DNAH12: variants seen among roughly 807,000 people sequenced by gnomAD.
DNAH12 encodes the protein axonemal beta dynein heavy chain 12.
Under a neutral mutation model 371.5 loss-of-function variants are expected in DNAH12, and 285 were observed. The ratio of observed to expected loss-of-function variants is 0.77; its 90% CI spans 0.70 to 0.85. DNAH12 has a LOEUF of 0.85. DNAH12 is among the 40% of genes least tolerant of loss of function. DNAH12 has a pLI of 0.00. For synonymous variants in DNAH12, 1,200 were observed against 1,213.0 expected (o/e 0.99, Z 0.22); for missense variants, 3,611 against 3,689.4 (o/e 0.98, Z 0.55).
intron 10 of DNAH12, 82 bp downstream of exon 10, chr3:57,502,241 C>A: frequency 6.5e-7 from 1 of 1,548,552 alleles, no homozygotes; most frequent in Non-Finnish European, 8.8e-7. Flanking sequence ...TCATGGCAGC[C>A]CCAGACAAAC....
chr3:57,555,989 C>T, the DNAH12 span, among the ~76,000 whole-genome samples: 1 of 152,252 alleles, frequency 6.6e-6, no homozygotes, highest in African/African-American at 2.4e-5. Flanking sequence ...GCCAAGATTC[C>T]AAGACAGGTG....
chr3:57,353,611 A>G (rs978564184), intron 59 of DNAH12, among the ~76,000 whole-genome samples: 1 of 152,202 alleles, frequency 6.6e-6, no homozygotes, highest in Admixed American at 6.5e-5. Context: ...ATGGGAGAAA[A>G]TATTTTCAAA....
Position 57,296,337 on chromosome 3 carries a change from C to T in DNAH12, c.11624+7G>A, listed in dbSNP as rs778404678. On this transcript the variant is annotated splice_region_variant and intron_variant, in intron 72 of 73. Transcript: ENST00000495027. ...ATGAAGAGGTCCTGGCAGCTGAATC[C>T]ACTGACCTTTCTCGGTCCCAGCGTG... is the stretch of plus-strand genomic sequence containing the variant. The T allele has an allele frequency of 3.0e-5, 47 of 1,541,310 alleles. No individual in the cohort carries two copies. The African/African-American group carries it at 6.0e-4, about 20-fold the overall frequency.
At chr3:57,462,459 C>A (rs2066082329) in intron 18 of DNAH12, among the ~76,000 whole-genome samples, 1 of 151,962 alleles carries the variant, frequency 6.6e-6, no homozygotes, top group Admixed American at 6.6e-5. Flanking sequence ...ACCATGTTGG[C>A]CAGGCTGGTC....
chr3:57,430,341 T>C (rs893193187), intron 32 of DNAH12, among the ~76,000 whole-genome samples: 5 of 152,296 alleles, frequency 3.3e-5, no homozygotes, highest in African/African-American at 1.2e-4. Flanking sequence ...GTAATCACAA[T>C]AACATTATCA....
intron 45 of DNAH12, among the ~76,000 whole-genome samples, chr3:57,387,782 T>C (rs1021051159): frequency 1.3e-5 from 2 of 152,168 alleles, no homozygotes; most frequent in Admixed American, 6.5e-5. Context: ...ACTTCTTGTT[T>C]GGAACATGGT....
chr3:57,401,275 C>A (rs1223656830), intron 43 of DNAH12, among the ~76,000 whole-genome samples: 1 of 151,450 alleles, frequency 6.6e-6, no homozygotes. Flanking sequence ...AGAGGCCAGA[C>A]GCGGTGGCTG....
At chr3:57,515,099 A>C (rs1336505083) in intron 4 of DNAH12, among the ~76,000 whole-genome samples, 1 of 152,190 alleles carries the variant, frequency 6.6e-6, no homozygotes, top group Non-Finnish European at 1.5e-5. Flanking sequence ...TTACTGGAAT[A>C]GGAGGTATCA....
At chr3:57,479,968 G>T (rs2066678441) in intron 13 of DNAH12, among the ~76,000 whole-genome samples, 1 of 152,050 alleles carries the variant, frequency 6.6e-6, no homozygotes, top group Non-Finnish European at 1.5e-5. Context: ...AGAGAAAGCA[G>T]GAAAGGTCCA....
At position 57,295,515 on chromosome 3, in the gene DNAH12, G is replaced by A. The variant is rs571248483; in HGVS notation, c.11692+10C>T. ...AAACTTCAAATAAATTTTGTTGAGA[G>A]AATATTTACTTGGTTTTATCCATAT... is the stretch of plus-strand genomic sequence containing the variant. On this transcript the variant is annotated intron_variant, in intron 73 of 73. Transcript: ENST00000495027. 3 of 1,544,382 alleles carry A rather than the reference G, an allele frequency of 1.9e-6. No homozygotes were observed. Among genetic ancestry groups the A allele is most frequent in the Non-Finnish European group, 1.7e-6 (2 of 1,143,442 alleles).
chr3:57,327,248 G>A, intron 62 of DNAH12, among the ~76,000 whole-genome samples: 1 of 152,066 alleles, frequency 6.6e-6, no homozygotes. Context: ...CAAATCAACA[G>A]AATATACATT....
chr3:57,321,604 G>A (rs2153291643), intron 65 of DNAH12, among the ~76,000 whole-genome samples: 1 of 152,154 alleles, frequency 6.6e-6, no homozygotes, highest in South Asian at 2.1e-4. Context: ...TTCTTTCTTA[G>A]AAGTGAGCTT....
chr3:57,381,381 T>G (rs1291685042), intron 50 of DNAH12, among the ~76,000 whole-genome samples: 2 of 152,028 alleles, frequency 1.3e-5, no homozygotes, highest in African/African-American at 4.8e-5. Flanking sequence ...ACCCAGGTAT[T>G]AGAAAAACCT....
At chr3:57,485,548 CG>C (rs2066896742) in intron 12 of DNAH12, among the ~76,000 whole-genome samples, 1 of 145,198 alleles carries the variant, frequency 6.9e-6, no homozygotes, top group Non-Finnish European at 1.5e-5. Flanking sequence ...ATTACAGGCG[CG>C]TGCCACCACG....
At chr3:57,309,112 A>T in intron 69 of DNAH12, 39 bp downstream of exon 69, 1 of 1,408,772 alleles carries the variant, frequency 7.1e-7, no homozygotes, top group Non-Finnish European at 9.6e-7. Flanking sequence ...ATATAAGAAG[A>T]CAGTTGCCTT....
intron 44 of DNAH12, among the ~76,000 whole-genome samples, chr3:57,392,672 A>T (rs2063650171): frequency 6.6e-6 from 1 of 151,706 alleles, no homozygotes; most frequent in African/African-American, 2.4e-5. Flanking sequence ...TAAAATAACT[A>T]AAAAAAAAGT....
Position 57,504,000 on chromosome 3 carries a change from G to A in DNAH12, c.1086+16C>T. The A allele has an allele frequency of 4.4e-6, 7 of 1,597,266 alleles. No homozygotes were observed. The highest frequency in any genetic ancestry group is 6.0e-6 in the Non-Finnish European group (7 of 1,168,816). The stretch of plus-strand genomic sequence containing the variant: ...AATAATTTAAAATTCTTTCCCGATG[G>A]GTAAAGATGTAATACCTGCAGAGCT... On this transcript the variant is annotated intron_variant, in intron 9 of 73. Coordinates refer to ENST00000495027, the MANE Select transcript of DNAH12 (RefSeq NM_001366028.2).
Position 57,454,797 on chromosome 3 carries a change from TC to T in DNAH12, c.3433del (p.Glu1145LysfsTer2). 1 of 1,551,366 alleles carries T rather than the reference TC, an allele frequency of 6.4e-7. No individual in the cohort carries two copies. The highest frequency in any genetic ancestry group is 8.7e-7 in the Non-Finnish European group (1 of 1,146,798). The stretch of plus-strand genomic sequence containing the variant: ...TACCTCCGTCCCGCCACTTATCACT[TC>T]CTGTGTCTCAGATGTCCAGAACATT... ...SQMFWTSETQ[E>X]VISGGTEGLK... is the part of the protein sequence containing the mutation. On this transcript the variant is annotated frameshift_variant, in exon 23 of 74. Transcript: ENST00000495027. LOFTEE classifies it high-confidence loss of function.
chr3:57,510,269 A>G (rs1016247025), intron 5 of DNAH12, among the ~76,000 whole-genome samples: 13 of 152,178 alleles, frequency 8.5e-5, no homozygotes, highest in Admixed American at 8.5e-4. Flanking sequence ...TACAAAAAGT[A>G]CCCTTAAATT....
Sources: gnomAD v4.1 joint callset for allele counts (sites outside exome capture counted in the v4.1 genomes callset) on GRCh38, gnomAD v4.1.1 for gene constraint, MANE v1.5 for transcripts, NCBI Gene and HGNC (gene_info 2026-07-23, HGNC 2026-07-21) for gene names.